Variants in RALY observed in about 807,000 individuals in gnomAD.
RALY encodes RNA-binding protein Raly.
RALY carries 15 observed loss-of-function variants against 30.7 expected under a neutral mutation model. The observed-to-expected ratio is 0.49, with a 90% CI of 0.33 to 0.75. The LOEUF (loss-of-function observed/expected upper bound fraction) is 0.75. Ranked by LOEUF, RALY falls within the 30% of genes least tolerant of loss-of-function variation. The pLI is 0.02. For missense variants in RALY, 339 were observed against 414.3 expected (o/e 0.82, Z 1.58); for synonymous variants, 177 against 170.8 (o/e 1.04, Z -0.28).
chr20:34,064,644 C>T (rs1271887208), intron 2 of RALY, among the ~76,000 whole-genome samples: 1 of 152,164 alleles, frequency 6.6e-6, no homozygotes, highest in Non-Finnish European at 1.5e-5. Flanking sequence ...AACTCCCTTA[C>T]TCTCAGGCAA....
chr20:34,025,444 A>G (rs1034420697), intron 1 of RALY, among the ~76,000 whole-genome samples: 39 of 151,974 alleles, frequency 2.6e-4, no homozygotes, highest in African/African-American at 9.2e-4. Flanking sequence ...GACTACAGGC[A>G]TGCACCACCA....
intron 2 of RALY, among the ~76,000 whole-genome samples, chr20:34,065,628 C>T (rs1044625749): frequency 1.3e-5 from 2 of 152,198 alleles, no homozygotes; most frequent in African/African-American, 4.8e-5. Context: ...TCCCTGGCCG[C>T]CTGGTAAAAG....
At chr20:34,064,965 G>A (rs1439935743) in intron 2 of RALY, 1 of 152,038 alleles carries the variant, frequency 6.6e-6, no homozygotes, top group Non-Finnish European at 1.5e-5. Context: ...CAGTCCTGTC[G>A]GACTCTAGGG....
chr20:34,040,281 A>C (rs1323676314), intron 2 of RALY, among the ~76,000 whole-genome samples: 2 of 152,166 alleles, frequency 1.3e-5, no homozygotes, highest in Non-Finnish European at 2.9e-5. Context: ...CTCTAGAGCC[A>C]AGGTCAGTTG....
chr20:34,077,058 C>CCAGCGGCAG lies in RALY; in HGVS notation c.690_691insAGCGGCAGC (p.Ala230_Gly231insSerGlySer), dbSNP rs10649600. ...AAGAAGAAGGGTGATGGAGGTGGCG[C>CCAGCGGCAG]CGGCGGCGGCGGCGGTGGTGGTGGC... On this transcript the variant is annotated inframe_insertion, in exon 8 of 10. Transcript: ENST00000246194. The CCAGCGGCAG allele has an allele frequency of 5.0e-6, 8 of 1,589,112 alleles. No individual in the cohort carries two copies. The highest frequency in any genetic ancestry group is 1.3e-5 in the African/African-American group (1 of 74,208).
At chr20:34,022,312 G>A (rs964521954) in intron 1 of RALY, among the ~76,000 whole-genome samples, 3 of 151,994 alleles carry the variant, frequency 2.0e-5, no homozygotes, top group African/African-American at 7.3e-5. Context: ...GGAAAAGACA[G>A]ATACCGTAGA....
intron 1 of RALY, among the ~76,000 whole-genome samples, chr20:34,026,730 C>T (rs1276076628): frequency 6.6e-6 from 1 of 152,148 alleles, no homozygotes. Flanking sequence ...CCCTTCACCC[C>T]TTTCCCATCC....
At chr20:34,076,846 A>G (rs1335592815) in intron 7 of RALY, 31 bp downstream of exon 7, 4 of 1,609,206 alleles carry the variant, frequency 2.5e-6, no homozygotes, top group Admixed American at 3.4e-5. Context: ...ACCCACCTCC[A>G]TGACCAGGGC....
At chr20:34,021,754 G>A (rs1337633494) in intron 1 of RALY, among the ~76,000 whole-genome samples, 1 of 151,974 alleles carries the variant, frequency 6.6e-6, no homozygotes, top group Non-Finnish European at 1.5e-5. Context: ...TCAGAAGTTC[G>A]GGTGAATATA....
chr20:34,035,144 C>T (rs2032433077), intron 2 of RALY, among the ~76,000 whole-genome samples: 1 of 101,206 alleles, frequency 9.9e-6, no homozygotes, highest in Non-Finnish European at 1.8e-5. Context: ...CAGAGCGAGA[C>T]TCCATCTCAA....
At chr20:34,032,049 G>A (rs748925381) in intron 2 of RALY, among the ~76,000 whole-genome samples, 20 of 152,120 alleles carry the variant, frequency 1.3e-4, no homozygotes, top group Admixed American at 4.6e-4. Flanking sequence ...TGCAACCTCC[G>A]CCTCCCGGGT....
At chr20:34,043,576 A>G (rs1342600520) in intron 2 of RALY, among the ~76,000 whole-genome samples, 6 of 152,198 alleles carry the variant, frequency 3.9e-5, no homozygotes, top group Admixed American at 6.5e-5. Context: ...TCTTCTTAGA[A>G]TGATATTTGA....
intron 2 of RALY, among the ~76,000 whole-genome samples, chr20:34,065,646 C>T (rs1327867448): frequency 6.6e-6 from 1 of 152,194 alleles, no homozygotes; most frequent in Non-Finnish European, 1.5e-5. Context: ...AAGCAGGAGC[C>T]TCTGGACCAA....
At chr20:34,019,218 C>G (rs887558482) in intron 1 of RALY, among the ~76,000 whole-genome samples, 3 of 151,874 alleles carry the variant, frequency 2.0e-5, no homozygotes, top group African/African-American at 7.3e-5. Flanking sequence ...CCCGGCTACT[C>G]GGGAGACTAA....
At chr20:34,075,737 C>A in intron 5 of RALY, 137 bp from the exon 6 acceptor site, 2 of 983,484 alleles carry the variant, frequency 2.0e-6, no homozygotes, top group Non-Finnish European at 2.9e-6. Context: ...CACTCCAGGG[C>A]TTGCTAGGAG....
rs201228546 is a variant in RALY, at chr20:34,075,961, C to T, written c.465C>T (p.Val155=). 5.1e-5 allele frequency: 83 copies of T among 1,614,116 alleles called. No homozygotes were observed. Among genetic ancestry groups the T allele is most frequent in the Admixed American group, 1.2e-4 (7 of 60,004 alleles). The stretch of plus-strand genomic sequence containing the variant: ...GACCCCGGGTCACAGTCCCTTTGGT[C>T]CGGCGTGTCAAAACTAACGTACCTG... ...VKRPRVTVPL[V]RRVKTNVPVK... is the part of the protein sequence containing the mutation. The change falls in exon 6 of 10, where the codon GTC becomes GTT. Residue 155 remains valine, a synonymous_variant. Coordinates refer to ENST00000246194, the MANE Select transcript of RALY (RefSeq NM_016732.3).
rs6059638 is a variant in RALY at position 34,028,531 on chromosome 20, C to T, written c.-92-2991C>T. On this transcript the variant is annotated intron_variant, in intron 1 of 9. Coordinates refer to ENST00000246194, the MANE Select transcript of RALY (RefSeq NM_016732.3). The stretch of plus-strand genomic sequence containing the variant: ...CATCCTGGCTAACACGGTGAAACCC[C>T]GTCTGTACTAAAAATACAAAAAATT... Among the ~76,000 whole-genome samples the T allele has an allele frequency of 8.0e-3, 1,211 of 151,344 alleles. 19 individuals are homozygous for T. The highest frequency in any genetic ancestry group is 0.027 in the African/African-American group (1,099 of 41,222).
chr20:34,006,970 G>C (rs1395058443), intron 1 of RALY, among the ~76,000 whole-genome samples: 2 of 152,106 alleles, frequency 1.3e-5, no homozygotes, highest in African/African-American at 4.8e-5. Context: ...TCTGGATTTT[G>C]CTCATTGCAT....
chr20:34,072,343 T>C lies in RALY; in HGVS notation c.256+13T>C. The C allele has an allele frequency of 8.1e-6, 13 of 1,607,228 alleles. No homozygotes were observed. Among genetic ancestry groups the C allele is most frequent in the Non-Finnish European group, 1.1e-5 (13 of 1,178,514 alleles). Reference sequence around the variant, plus strand: ...GGGCAGACCCTGGGTAAGCCTCTCTTCACTATATTCTCCTAGTATTCTCTA... The same window carrying C: ...GGGCAGACCCTGGGTAAGCCTCTCTCCACTATATTCTCCTAGTATTCTCTA... On this transcript the variant is annotated intron_variant, in intron 3 of 9. Transcript: ENST00000246194.
Sources: allele counts gnomAD v4.1 joint callset (sites outside exome capture counted in the v4.1 genomes callset), GRCh38; gene constraint gnomAD v4.1.1; transcripts MANE v1.5; gene names NCBI Gene and HGNC (gene_info 2026-07-23, HGNC 2026-07-21).